The following C8orf34 variants were observed in gnomAD, a reference collection of about 807,000 sequenced individuals.
C8orf34 encodes uncharacterized protein C8orf34.
In C8orf34, 65 loss-of-function variants were observed where a neutral mutation model predicts 68.3. That is an observed-to-expected ratio of 0.95 (90% CI 0.78 to 1.17). The LOEUF is 1.17. Among genes scored for constraint, C8orf34 ranks in the 50% most tolerant of loss-of-function variants. C8orf34 has a pLI of 0.00. For missense variants in C8orf34, 664 were observed against 655.4 expected (o/e 1.01, Z -0.14); for synonymous variants, 244 against 241.2 (o/e 1.01, Z -0.11).
intron 1 of C8orf34, among the ~76,000 whole-genome samples, chr8:68,378,845 A>G (rs529230395): frequency 1.3e-5 from 2 of 152,328 alleles, no homozygotes; most frequent in South Asian, 2.1e-4. Flanking sequence ...GAAGGGTTGA[A>G]TGCCTCTATT....
At chr8:68,537,666 T>TGTTAAA (rs1815535706) in intron 7 of C8orf34, among the ~76,000 whole-genome samples, 1 of 152,068 alleles carries the variant, frequency 6.6e-6, no homozygotes, top group African/African-American at 2.4e-5. Context: ...CATATTATCA[T>TGTTAAA]GTTAAAAAGC....
intron 8 of C8orf34, among the ~76,000 whole-genome samples, chr8:68,660,994 AG>A (rs1394967829): frequency 6.6e-6 from 1 of 152,138 alleles, no homozygotes; most frequent in African/African-American, 2.4e-5. Context: ...TCCAACAGGG[AG>A]AGAAACTCTT....
At chr8:68,335,762 T>C (rs1317590684) in intron 1 of C8orf34, among the ~76,000 whole-genome samples, 1 of 152,158 alleles carries the variant, frequency 6.6e-6, no homozygotes. Context: ...TATACCAATA[T>C]GGCATCAATA....
chr8:68,674,028 A>G (rs1229597076), intron 8 of C8orf34, among the ~76,000 whole-genome samples: 2 of 152,158 alleles, frequency 1.3e-5, no homozygotes, highest in South Asian at 2.1e-4. Context: ...ATCCAAAACC[A>G]TTAAGGTGGT....
chr8:68,666,767 C>A (rs1483549356), intron 8 of C8orf34, among the ~76,000 whole-genome samples: 1 of 152,078 alleles, frequency 6.6e-6, no homozygotes, highest in Non-Finnish European at 1.5e-5. Context: ...CAAAAAGAAA[C>A]AATTTAGAAA....
At chr8:68,689,077 A>C (rs1338881718) in intron 8 of C8orf34, among the ~76,000 whole-genome samples, 1 of 152,126 alleles carries the variant, frequency 6.6e-6, no homozygotes, top group African/African-American at 2.4e-5. Flanking sequence ...AAAGGAATGG[A>C]ATAACGTCTT....
chr8:68,676,381 G>A (rs1820191625), intron 8 of C8orf34, among the ~76,000 whole-genome samples: 1 of 151,768 alleles, frequency 6.6e-6, no homozygotes, highest in South Asian at 2.1e-4. Flanking sequence ...GATATATAAA[G>A]CAAAATTATT....
At chr8:68,426,434 G>A (rs1810218535) in intron 1 of C8orf34, among the ~76,000 whole-genome samples, 1 of 145,994 alleles carries the variant, frequency 6.8e-6, no homozygotes, top group South Asian at 2.1e-4. Flanking sequence ...TGGGAAAATC[G>A]CTTCAACCTA....
intron 3 of C8orf34, among the ~76,000 whole-genome samples, chr8:68,464,504 C>A (rs868327292): frequency 4.6e-5 from 7 of 151,752 alleles, no homozygotes; most frequent in African/African-American, 1.7e-4. Flanking sequence ...CAATCCTAAG[C>A]CAAAAGAACA....
intron 8 of C8orf34, among the ~76,000 whole-genome samples, chr8:68,687,567 A>G (rs1820558634): frequency 6.6e-6 from 1 of 152,112 alleles, no homozygotes; most frequent in Non-Finnish European, 1.5e-5. Flanking sequence ...CACGTGTAGA[A>G]GAATGAAACT....
chr8:68,743,017 C>T (rs1262113965), intron 10 of C8orf34, among the ~76,000 whole-genome samples: 2 of 152,176 alleles, frequency 1.3e-5, no homozygotes, highest in Non-Finnish European at 2.9e-5. Flanking sequence ...TTAACCAATA[C>T]TTCTGGTCCC....
intron 1 of C8orf34, among the ~76,000 whole-genome samples, chr8:68,404,876 A>G (rs1809122483): frequency 6.6e-6 from 1 of 151,966 alleles, no homozygotes; most frequent in Non-Finnish European, 1.5e-5. Context: ...TTGAAATTTA[A>G]AGTAGTTTTT....
chr8:68,592,563 G>A (rs1817422830), intron 7 of C8orf34, among the ~76,000 whole-genome samples: 2 of 147,368 alleles, frequency 1.4e-5, no homozygotes, highest in Admixed American at 1.4e-4. Flanking sequence ...TAGCATATCA[G>A]CTGAATAACT....
intron 4 of C8orf34, among the ~76,000 whole-genome samples, chr8:68,484,371 A>G (rs1012295736): frequency 2.0e-5 from 3 of 152,144 alleles, no homozygotes; most frequent in African/African-American, 7.2e-5. Context: ...CAGGACACAA[A>G]TCCAAACTAT....
chr8:68,403,223 G>A (rs1809036566), intron 1 of C8orf34, among the ~76,000 whole-genome samples: 1 of 152,118 alleles, frequency 6.6e-6, no homozygotes, highest in South Asian at 2.1e-4. Context: ...GGTGCCTGAG[G>A]ACTGGCAGTG....
intron 8 of C8orf34, among the ~76,000 whole-genome samples, chr8:68,663,065 T>C (rs1175261055): frequency 6.6e-6 from 1 of 152,206 alleles, no homozygotes; most frequent in Admixed American, 6.5e-5. Flanking sequence ...TCTCTTTTTC[T>C]TGCTCTCTGT....
intron 8 of C8orf34, among the ~76,000 whole-genome samples, chr8:68,673,628 G>A (rs2130850524): frequency 6.6e-6 from 1 of 152,266 alleles, no homozygotes; most frequent in East Asian, 1.9e-4. Context: ...GTAGAATACA[G>A]CACCAAGTAG....
chr8:68,353,569 ATATATATATACACAGTTGATG>A (rs889459685), intron 1 of C8orf34, among the ~76,000 whole-genome samples: 3 of 147,842 alleles, frequency 2.0e-5, no homozygotes, highest in African/African-American at 7.4e-5. Flanking sequence ...GTGTGTGCAT[ATATATATATACACAGTTGATG>A]TATATATATA....
At chr8:68,395,318 G>A (rs569920689) in intron 1 of C8orf34, among the ~76,000 whole-genome samples, 1 of 150,998 alleles carries the variant, frequency 6.6e-6, no homozygotes, top group East Asian at 2.0e-4. Context: ...CTCTCTGAAT[G>A]CAAGCTACAC....
Sources: gnomAD v4.1 joint callset for allele counts (sites outside exome capture counted in the v4.1 genomes callset) on GRCh38, gnomAD v4.1.1 for gene constraint, MANE v1.5 for transcripts, NCBI Gene and HGNC (gene_info 2026-07-23, HGNC 2026-07-21) for gene names.